CD2AP: variants seen among roughly 807,000 people sequenced by gnomAD.
CD2AP encodes the protein CD2-associated protein.
In CD2AP, 46 loss-of-function variants were observed where a neutral mutation model predicts 85.1. The observed-to-expected ratio is 0.54, with a 90% CI of 0.43 to 0.69. CD2AP has a LOEUF of 0.69. Among genes scored for constraint, CD2AP ranks in the 30% least tolerant of loss-of-function variants. CD2AP has a pLI of 0.00. For synonymous variants in CD2AP, 255 were observed against 252.9 expected (o/e 1.01, Z -0.08); for missense variants, 769 against 729.5 (o/e 1.05, Z -0.62).
At chr6:47,610,461 T>C (rs1038083905) in intron 16 of CD2AP, among the ~76,000 whole-genome samples, 23 of 152,052 alleles carry the variant, frequency 1.5e-4, no homozygotes, top group Non-Finnish European at 2.5e-4. Flanking sequence ...AAAACATAAA[T>C]GTTATGGCCA....
chr6:47,623,753 T>G (rs1769823643), intron 17 of CD2AP, among the ~76,000 whole-genome samples: 1 of 152,134 alleles, frequency 6.6e-6, no homozygotes, highest in Admixed American at 6.5e-5. Context: ...ACAATAATTA[T>G]AATTATAATT....
rs199622885 is a variant in CD2AP at position 47,576,587 on chromosome 6, G to A, written c.793G>A (p.Glu265Lys). ...QSVEITKTDT[E>K]GKIKAKEYCR... ...TGTGGAGATAACAAAAACAGATACC[G>A]AAGGTAAAATTAAAGGTATGTTTTT... Residue 265 changes from glutamate to lysine, a missense_variant, in exon 7 of 18, where the codon GAA becomes AAA. Glu to Lys is a moderately conservative substitution (Grantham distance 56). Coordinates refer to ENST00000359314, the MANE Select transcript of CD2AP (RefSeq NM_012120.3). 30 of 1,609,534 alleles carry A rather than the reference G, an allele frequency of 1.9e-5. No individual in the cohort carries two copies. Among genetic ancestry groups the A allele is most frequent in the African/African-American group, 1.1e-4 (8 of 74,768 alleles).
At position 47,499,676 on chromosome 6, in the gene CD2AP, TAATA is replaced by T. The variant is rs1250763723; in HGVS notation, c.5-3600_5-3597del. On this transcript the variant is annotated intron_variant, in intron 1 of 17. Coordinates refer to ENST00000359314, the MANE Select transcript of CD2AP (RefSeq NM_012120.3). ...ATTGTCTGCGCATTTTAAGAGTAAATAATAAATGAATAAAAAGCTAACTGGGAAC... is the reference window on the plus strand; with the variant it reads ...ATTGTCTGCGCATTTTAAGAGTAAATAATGAATAAAAAGCTAACTGGGAAC... Among the ~76,000 whole-genome samples the T allele has an allele frequency of 2.0e-5, 3 of 152,252 alleles. No homozygotes were observed. The East Asian group carries it at 5.8e-4, about 29-fold the overall frequency.
rs1160179660 is a variant in CD2AP at position 47,625,758 on chromosome 6, C to A, written c.*1531C>A. The A allele has an allele frequency of 2.0e-5, 3 of 151,398 alleles. No homozygotes were observed. Among genetic ancestry groups the A allele is most frequent in the African/African-American group, 7.3e-5 (3 of 41,258 alleles). 9.4% of individuals were successfully genotyped at this position (151,398 alleles called of 1,614,324 possible). On this transcript the variant is annotated 3_prime_UTR_variant, in exon 18 of 18. Coordinates refer to ENST00000359314, the MANE Select transcript of CD2AP (RefSeq NM_012120.3). ...TTTGTCATGTTTCAAATAAAGAGAACTGAAGTAGAAAATAGAAATGCCAGT... is the reference window on the plus strand; with the variant it reads ...TTTGTCATGTTTCAAATAAAGAGAAATGAAGTAGAAAATAGAAATGCCAGT...
At position 47,576,512 on chromosome 6, in the gene CD2AP, T is replaced by C; in HGVS notation, c.730-12T>C. The C allele has an allele frequency of 6.3e-7, 1 of 1,580,596 alleles. No homozygotes were observed. Among genetic ancestry groups the C allele is most frequent in the South Asian group, 1.1e-5 (1 of 90,344 alleles). On this transcript the variant is annotated splice_polypyrimidine_tract_variant and intron_variant, in intron 6 of 17. Transcript: ENST00000359314. ...ATCTTAAAATAGTTTATGCCATTTT[T>C]TTCTATTCTAGCCCTTAATCCTACA...
At chr6:47,607,875 C>T in intron 14 of CD2AP, 52 bp from the exon 15 acceptor site, 6 of 1,224,044 alleles carry the variant, frequency 4.9e-6, no homozygotes, top group Non-Finnish European at 7.1e-6. Flanking sequence ...GACTTACTAC[C>T]TTTTCTTTTC....
chr6:47,508,095 A>G (rs1766221601), intron 2 of CD2AP, among the ~76,000 whole-genome samples: 1 of 152,210 alleles, frequency 6.6e-6, no homozygotes, highest in South Asian at 2.1e-4. Context: ...AATGACTTCC[A>G]CTTAAATTAC....
intron 1 of CD2AP, among the ~76,000 whole-genome samples, chr6:47,498,916 C>T (rs550560360): frequency 6.6e-6 from 1 of 152,058 alleles, no homozygotes; most frequent in Non-Finnish European, 1.5e-5. Context: ...ACAATACAAC[C>T]ATAACATTTA....
chr6:47,592,152 A>G (rs950571175), intron 11 of CD2AP, among the ~76,000 whole-genome samples: 1 of 152,098 alleles, frequency 6.6e-6, no homozygotes, highest in Non-Finnish European at 1.5e-5. Context: ...TTAAATTATC[A>G]TAATATCTGT....
intron 5 of CD2AP, among the ~76,000 whole-genome samples, chr6:47,569,728 A>G (rs1768099008): frequency 6.6e-6 from 1 of 152,116 alleles, no homozygotes; most frequent in African/African-American, 2.4e-5. Context: ...TCCTGGGGAA[A>G]TGGTTGTATA....
chr6:47,484,533 C>T (rs1765520243), intron 1 of CD2AP, among the ~76,000 whole-genome samples: 1 of 152,186 alleles, frequency 6.6e-6, no homozygotes, highest in African/African-American at 2.4e-5. Context: ...AAACAATTCA[C>T]TATTCTAAAT....
chr6:47,489,434 C>T (rs1275936996), intron 1 of CD2AP, among the ~76,000 whole-genome samples: 1 of 152,068 alleles, frequency 6.6e-6, no homozygotes, highest in African/African-American at 2.4e-5. Context: ...CCTCGGCCTC[C>T]CAAAGTGCTG....
intron 17 of CD2AP, among the ~76,000 whole-genome samples, chr6:47,616,209 A>G (rs1349957575): frequency 2.0e-5 from 3 of 147,684 alleles, no homozygotes; most frequent in Non-Finnish European, 4.4e-5. Flanking sequence ...CTCCTGCCTC[A>G]GCCTCCCGGG....
chr6:47,541,875 T>C (rs906626286), intron 3 of CD2AP, among the ~76,000 whole-genome samples: 3 of 152,230 alleles, frequency 2.0e-5, no homozygotes, highest in African/African-American at 7.2e-5. Flanking sequence ...ACAAAGAGTT[T>C]ATTTGGAGAT....
intron 11 of CD2AP, among the ~76,000 whole-genome samples, chr6:47,594,377 A>G (rs1034989787): frequency 5.1e-4 from 77 of 152,244 alleles, no homozygotes; most frequent in African/African-American, 1.6e-3. Context: ...AGTTATGGAC[A>G]TAACCAGGAA....
intron 7 of CD2AP, 76 bp from the exon 8 acceptor site, chr6:47,576,933 C>T: frequency 1.2e-6 from 1 of 845,716 alleles, no homozygotes; most frequent in East Asian, 2.4e-5. Flanking sequence ...ATACTTTACA[C>T]AAGATAGAGG....
chr6:47,559,257 ATTTTTTT>A (rs76704002), intron 5 of CD2AP, among the ~76,000 whole-genome samples: 2 of 130,638 alleles, frequency 1.5e-5, no homozygotes, highest in Non-Finnish European at 1.7e-5. Flanking sequence ...GTTTCGTGCA[ATTTTTTT>A]TTTTTTTTTT....
At chr6:47,602,475 T>C (rs1024727714) in intron 13 of CD2AP, among the ~76,000 whole-genome samples, 1 of 152,098 alleles carries the variant, frequency 6.6e-6, no homozygotes, top group Non-Finnish European at 1.5e-5. Flanking sequence ...AACTTAGTTT[T>C]AAAATGTAAG....
chr6:47,602,729 A>G lies in CD2AP; in HGVS notation c.1417+3286A>G, dbSNP rs528655641. 3.2e-3 allele frequency among the ~76,000 whole-genome samples: 381 copies of G among 118,334 alleles called. 1 individual carries two copies. The highest frequency in any genetic ancestry group is 0.011 in the African/African-American group (352 of 32,334). The allele number at this position is 118,334 out of a possible 152,430, so 77.6% of individuals were successfully genotyped here. On this transcript the variant is annotated intron_variant, in intron 13 of 17. Coordinates refer to ENST00000359314, the MANE Select transcript of CD2AP (RefSeq NM_012120.3). Reference sequence around the variant, plus strand: ...ACATAGTGAGACCGTGTCTCTACAGAAAAAAAAAAAAAAGCTGGGCATGAT... The same window carrying G: ...ACATAGTGAGACCGTGTCTCTACAGGAAAAAAAAAAAAAGCTGGGCATGAT...
Sources: allele counts gnomAD v4.1 joint callset (sites outside exome capture counted in the v4.1 genomes callset), GRCh38; gene constraint gnomAD v4.1.1; transcripts MANE v1.5; gene names NCBI Gene and HGNC (gene_info 2026-07-23, HGNC 2026-07-21).